Variants in PCSK5 observed in about 807,000 individuals in gnomAD.
The protein encoded by PCSK5 is prohormone convertase 5.
A neutral mutation model predicts 233.2 loss-of-function variants in PCSK5; 129 were observed. The observed-to-expected ratio is 0.55, with a 90% CI of 0.48 to 0.64. The LOEUF is 0.64. Ranked by LOEUF, PCSK5 falls within the 30% of genes least tolerant of loss-of-function variation. The pLI is 0.00. For missense variants in PCSK5, 2,076 were observed against 2,430.1 expected, an observed-to-expected ratio of 0.85 and a Z score of 3.06; for synonymous variants, 825 against 879.2, an observed-to-expected ratio of 0.94 and a Z score of 1.09.
intron 20 of PCSK5, among the ~76,000 whole-genome samples, chr9:76,205,461 T>C (rs369474867): frequency 2.8e-4 from 42 of 152,294 alleles, no homozygotes; most frequent in South Asian, 2.7e-3. Context: ...TCACAAATTC[T>C]TTATGAGGCC....
At chr9:76,120,378 A>G (rs10124173) in intron 9 of PCSK5, among the ~76,000 whole-genome samples, 4,748 of 152,194 alleles carry the variant, frequency 0.031, 246 homozygotes, top group African/African-American at 0.11. Flanking sequence ...TTGTGTTCCA[A>G]AAACAATCCC....
At chr9:76,344,635 A>G (rs1415292467) in intron 35 of PCSK5, among the ~76,000 whole-genome samples, 1 of 152,134 alleles carries the variant, frequency 6.6e-6, no homozygotes, top group Admixed American at 6.5e-5. Flanking sequence ...GGTGGTAAAT[A>G]TTGGCTTTCT....
rs148541082 is a variant in PCSK5, at chr9:76,260,807, T to C, written c.3142+20123T>C. Among the ~76,000 whole-genome samples the C allele has an allele frequency of 2.6e-3, 394 of 152,310 alleles. 1 individual carries two copies. The highest frequency in any genetic ancestry group is 9.2e-3 in the African/African-American group (381 of 41,578). ...TTTAAGCTGCTAAATTTATGGAAAT[T>C]TGTTATGGCAGCAATAGAAAACTAT... is the stretch of plus-strand genomic sequence containing the variant. On this transcript the variant is annotated intron_variant, in intron 24 of 37. Transcript: ENST00000674117.
rs1564062843 is a variant in PCSK5 at position 75,891,030 on chromosome 9, G to C, written c.-152G>C. On this transcript the variant is annotated 5_prime_UTR_variant, in exon 1 of 38. Coordinates refer to ENST00000674117, the MANE Select transcript of PCSK5 (RefSeq NM_001372043.1). ...AAGGCTCGCTGCTCTGCTCCCTGCC[G>C]GGGCTAGCCGCCTCCTGCCGATCGC... The C allele has an allele frequency of 1.9e-6, 1 of 536,490 alleles. No homozygotes were observed. Among genetic ancestry groups the C allele is most frequent in the African/African-American group, 2.0e-5 (1 of 50,194 alleles). 33.2% of individuals were successfully genotyped at this position (536,490 alleles called of 1,614,324 possible).
At chr9:76,204,918 T>C (rs1266873716) in intron 20 of PCSK5, among the ~76,000 whole-genome samples, 1 of 152,160 alleles carries the variant, frequency 6.6e-6, no homozygotes, top group Non-Finnish European at 1.5e-5. Context: ...TGGATCACTG[T>C]TGAGTTACTG....
intron 20 of PCSK5, among the ~76,000 whole-genome samples, chr9:76,211,033 T>C (rs10746996): frequency 0.47 from 70,851 of 152,022 alleles, 17,165 homozygotes; most frequent in East Asian, 0.65. Context: ...TTGTTGAACA[T>C]GGTAATTTGG....
chr9:76,015,328 C>T (rs765136569), intron 3 of PCSK5, among the ~76,000 whole-genome samples: 4 of 152,276 alleles, frequency 2.6e-5, no homozygotes, highest in East Asian at 1.9e-4. Context: ...TCTATCCAAA[C>T]GCTAATCCCT....
chr9:76,168,785 G>A (rs1014041859), intron 12 of PCSK5, among the ~76,000 whole-genome samples: 2 of 152,104 alleles, frequency 1.3e-5, no homozygotes, highest in Non-Finnish European at 2.9e-5. Flanking sequence ...TGACAAATCT[G>A]TGTTGCTGTA....
intron 3 of PCSK5, among the ~76,000 whole-genome samples, chr9:75,996,519 T>TGATG (rs1408735783): frequency 6.6e-6 from 1 of 152,222 alleles, no homozygotes; most frequent in Non-Finnish European, 1.5e-5. Flanking sequence ...TTGTCCCACA[T>TGATG]GATGGTTGTG....
At chr9:75,932,783 T>C (rs1454933096) in intron 2 of PCSK5, among the ~76,000 whole-genome samples, 4 of 152,106 alleles carry the variant, frequency 2.6e-5, no homozygotes, top group Non-Finnish European at 5.9e-5. Context: ...TTGAGAATGA[T>C]TGAACTGTTA....
At chr9:76,155,045 T>C (rs1823829432) in intron 10 of PCSK5, among the ~76,000 whole-genome samples, 1 of 152,204 alleles carries the variant, frequency 6.6e-6, no homozygotes, top group African/African-American at 2.4e-5. Flanking sequence ...AAAATGAATA[T>C]GCTTACTTTT....
chr9:76,179,129 G>A (rs910629870), intron 14 of PCSK5, among the ~76,000 whole-genome samples: 17 of 152,200 alleles, frequency 1.1e-4, no homozygotes, highest in African/African-American at 4.1e-4. Context: ...CCTGGCCACA[G>A]TATTTCAGAG....
chr9:75,984,494 C>T (rs1353166768), intron 2 of PCSK5, among the ~76,000 whole-genome samples: 1 of 152,120 alleles, frequency 6.6e-6, no homozygotes, highest in African/African-American at 2.4e-5. Context: ...TTTTACCAAG[C>T]ATGCAAATAT....
intron 24 of PCSK5, among the ~76,000 whole-genome samples, chr9:76,252,218 C>A (rs752282234): frequency 2.6e-4 from 40 of 152,182 alleles, no homozygotes; most frequent in Non-Finnish European, 4.7e-4. Flanking sequence ...CAGTGAGCCG[C>A]GATCGCGTGC....
At chr9:76,023,027 A>G (rs1828267694) in intron 3 of PCSK5, among the ~76,000 whole-genome samples, 1 of 152,156 alleles carries the variant, frequency 6.6e-6, no homozygotes, top group South Asian at 2.1e-4. Context: ...TTGTAGCTGG[A>G]TGGGCTTCTA....
chr9:75,983,354 A>G (rs1024910039), intron 2 of PCSK5, among the ~76,000 whole-genome samples: 2 of 152,164 alleles, frequency 1.3e-5, no homozygotes, highest in African/African-American at 4.8e-5. Context: ...ATTCCAAAAT[A>G]ATGAGATACA....
intron 30 of PCSK5, among the ~76,000 whole-genome samples, chr9:76,316,741 A>C (rs1326371843): frequency 2.5e-5 from 1 of 40,272 alleles, no homozygotes; most frequent in African/African-American, 1.8e-4. Flanking sequence ...TTGTCTCACC[A>C]AAAAAAAAAA....
intron 5 of PCSK5, among the ~76,000 whole-genome samples, chr9:76,055,780 CTGGTCT>C (rs1210565093): frequency 6.6e-6 from 1 of 152,098 alleles, no homozygotes; most frequent in Non-Finnish European, 1.5e-5. Flanking sequence ...CTAGGATACC[CTGGTCT>C]AGTTCTCATT....
chr9:76,110,506 C>T (rs1177747825), intron 9 of PCSK5, among the ~76,000 whole-genome samples: 1 of 152,154 alleles, frequency 6.6e-6, no homozygotes, highest in East Asian at 1.9e-4. Context: ...GCTGCTTCTA[C>T]CATTGGCCTC....
Sources: gnomAD v4.1 joint callset for allele counts (sites outside exome capture counted in the v4.1 genomes callset) on GRCh38, gnomAD v4.1.1 for gene constraint, MANE v1.5 for transcripts, NCBI Gene and HGNC (gene_info 2026-07-23, HGNC 2026-07-21) for gene names.